Variants in FSTL5 observed in about 807,000 individuals in gnomAD.
FSTL5 encodes follistatin like 5.
FSTL5 carries 62 observed loss-of-function variants against 89.1 expected under a neutral mutation model. The observed-to-expected ratio is 0.70, with a 90% CI of 0.57 to 0.86. The LOEUF (loss-of-function observed/expected upper bound fraction) is 0.86. FSTL5 is among the 40% of genes least tolerant of loss of function. FSTL5 has a pLI of 0.00. For missense variants in FSTL5, 1,057 were observed against 1,001.6 expected, an observed-to-expected ratio of 1.06 and a Z score of -0.75; for synonymous variants, 383 against 346.2, an observed-to-expected ratio of 1.11 and a Z score of -1.18.
intron 5 of FSTL5, among the ~76,000 whole-genome samples, chr4:161,765,044 A>T (rs2126794234): frequency 6.6e-6 from 1 of 152,304 alleles, no homozygotes; most frequent in South Asian, 2.1e-4. Context: ...TGCTCTTATT[A>T]TTCTCAAATC....
At chr4:161,593,795 A>G (rs972912954) in intron 7 of FSTL5, among the ~76,000 whole-genome samples, 2 of 152,138 alleles carry the variant, frequency 1.3e-5, no homozygotes, top group African/African-American at 4.8e-5. Flanking sequence ...TATGAGCTAC[A>G]CAATAGGAGA....
intron 15 of FSTL5, among the ~76,000 whole-genome samples, chr4:161,394,657 C>T (rs534296582): frequency 1.4e-4 from 22 of 152,170 alleles, no homozygotes; most frequent in African/African-American, 5.1e-4. Context: ...TTCCAATTAC[C>T]CTTTACAATT....
chr4:162,080,056 C>G (rs911419283), intron 2 of FSTL5, among the ~76,000 whole-genome samples: 1 of 151,446 alleles, frequency 6.6e-6, no homozygotes, highest in Admixed American at 6.6e-5. Context: ...AGTGTATCCA[C>G]CTCCCCAGAA....
intron 4 of FSTL5, among the ~76,000 whole-genome samples, chr4:161,891,994 T>G (rs2110756468): frequency 6.6e-6 from 1 of 152,206 alleles, no homozygotes; most frequent in South Asian, 2.1e-4. Flanking sequence ...TTTGACAGTT[T>G]TGCTTCAATT....
intron 8 of FSTL5, among the ~76,000 whole-genome samples, chr4:161,550,998 G>A (rs1471205498): frequency 3.3e-5 from 5 of 151,922 alleles, no homozygotes; most frequent in African/African-American, 1.2e-4. Context: ...GGACATTTGG[G>A]TTGGTTCCAA....
intron 4 of FSTL5, among the ~76,000 whole-genome samples, chr4:161,872,282 T>C (rs1382777449): frequency 6.6e-6 from 1 of 152,064 alleles, no homozygotes; most frequent in Non-Finnish European, 1.5e-5. Context: ...AAAGTTAACT[T>C]TTCAACTGCT....
At chr4:161,977,630 AAAAAAAAAAAAT>A (rs1240947693) in intron 3 of FSTL5, among the ~76,000 whole-genome samples, 200 of 81,264 alleles carry the variant, frequency 2.5e-3, no homozygotes, top group African/African-American at 7.7e-3. Context: ...AAAAAAAAAA[AAAAAAAAAAAAT>A]AATAATAATA....
chr4:161,971,236 A>C lies in FSTL5; in HGVS notation c.161-50584T>G, dbSNP rs1186857953. On this transcript the variant is annotated intron_variant, in intron 3 of 15. Transcript: ENST00000306100. ...AGCAGATTGTCAGTCATCTCTGATA[A>C]CGTGTTATCACACTGAACGCTATAA... 2.0e-5 allele frequency among the ~76,000 whole-genome samples: 3 copies of C among 152,174 alleles called. No homozygotes were observed. In the East Asian group the frequency reaches 5.8e-4, roughly 29 times the overall value.
intron 15 of FSTL5, among the ~76,000 whole-genome samples, chr4:161,454,174 C>T (rs1733269435): frequency 1.3e-5 from 2 of 152,076 alleles, no homozygotes; most frequent in Non-Finnish European, 2.9e-5. Flanking sequence ...CACAATAATC[C>T]AATAATGGCT....
At chr4:161,943,855 C>T (rs1306696110) in intron 3 of FSTL5, among the ~76,000 whole-genome samples, 2 of 151,746 alleles carry the variant, frequency 1.3e-5, no homozygotes, top group African/African-American at 4.8e-5. Flanking sequence ...GCGCCTGGCC[C>T]ATAACCACTG....
chr4:161,418,059 C>A (rs1426176396), intron 15 of FSTL5, among the ~76,000 whole-genome samples: 1 of 152,126 alleles, frequency 6.6e-6, no homozygotes, highest in Non-Finnish European at 1.5e-5. Flanking sequence ...CAAGTGCTCC[C>A]AATGTCTGGG....
At chr4:161,844,326 T>C (rs930074371) in intron 4 of FSTL5, among the ~76,000 whole-genome samples, 2 of 152,168 alleles carry the variant, frequency 1.3e-5, no homozygotes, top group African/African-American at 2.4e-5. Context: ...TGCTTTTACA[T>C]TGTTGATGGG....
chr4:162,058,232 C>A (rs547110280), intron 2 of FSTL5, among the ~76,000 whole-genome samples: 5 of 151,868 alleles, frequency 3.3e-5, no homozygotes, highest in African/African-American at 9.7e-5. Flanking sequence ...GATGAGGAAG[C>A]AAATTCAATT....
chr4:161,869,315 T>C (rs1732189475), intron 4 of FSTL5, among the ~76,000 whole-genome samples: 1 of 152,182 alleles, frequency 6.6e-6, no homozygotes, highest in Admixed American at 6.5e-5. Context: ...ATAATAACTA[T>C]TAAGGAGAGA....
chr4:161,439,147 T>A (rs992548946), intron 15 of FSTL5, among the ~76,000 whole-genome samples: 7 of 152,198 alleles, frequency 4.6e-5, no homozygotes, highest in Admixed American at 6.5e-5. Context: ...TCTTGTAAAA[T>A]GATGTAATAT....
chr4:161,697,938 GGTGTGTGTGTGT>G lies in FSTL5; in HGVS notation c.728-41456_728-41445del, dbSNP rs75603323. ...TCCATTCAGTTACAAAATATGGGAAGGTGTGTGTGTGTGTGTGTGTATGTGTGTGTGTGTGTT... is the reference window on the plus strand; with the variant it reads ...TCCATTCAGTTACAAAATATGGGAAGGTGTGTGTATGTGTGTGTGTGTGTT... On this transcript the variant is annotated intron_variant, in intron 6 of 15. Transcript: ENST00000306100. 2.0e-5 allele frequency among the ~76,000 whole-genome samples: 3 copies of G among 149,640 alleles called. No homozygotes were observed. The Admixed American group carries it at 2.0e-4, about 10-fold the overall frequency.
chr4:161,839,643 A>G (rs1731151356), intron 4 of FSTL5, among the ~76,000 whole-genome samples: 1 of 152,186 alleles, frequency 6.6e-6, no homozygotes, highest in Admixed American at 6.5e-5. Flanking sequence ...GTGAAATTCC[A>G]ATACAGAAAA....
At chr4:161,628,342 A>C (rs558373242) in intron 7 of FSTL5, among the ~76,000 whole-genome samples, 1 of 152,280 alleles carries the variant, frequency 6.6e-6, no homozygotes, top group South Asian at 2.1e-4. Flanking sequence ...AAAAGCAAGA[A>C]AAAATTGAAA....
intron 7 of FSTL5, among the ~76,000 whole-genome samples, chr4:161,639,278 A>G (rs1735855983): frequency 6.6e-6 from 1 of 152,200 alleles, no homozygotes; most frequent in Non-Finnish European, 1.5e-5. Context: ...AAGGGTAATG[A>G]AAAGTCTATT....
Sources: allele counts gnomAD v4.1 joint callset (sites outside exome capture counted in the v4.1 genomes callset), GRCh38; gene constraint gnomAD v4.1.1; transcripts MANE v1.5; gene names NCBI Gene and HGNC (gene_info 2026-07-23, HGNC 2026-07-21).